CFAP299: variants seen among roughly 807,000 people sequenced by gnomAD.
CFAP299 encodes cilia- and flagella-associated protein 299.
CFAP299 carries 21 observed loss-of-function variants against 27.0 expected under a neutral mutation model. The ratio of observed to expected loss-of-function variants is 0.78; its 90% CI spans 0.55 to 1.12. CFAP299 has a LOEUF of 1.12. Among genes scored for constraint, CFAP299 ranks in the 50% most tolerant of loss-of-function variants. The probability of loss-of-function intolerance (pLI) is 0.00; values close to 1 mark genes in which losing one functional copy is unlikely to be tolerated. For missense variants in CFAP299, 310 were observed against 276.6 expected, an observed-to-expected ratio of 1.12 and a Z score of -0.86; for synonymous variants, 104 against 98.1, an observed-to-expected ratio of 1.06 and a Z score of -0.36.
chr4:80,945,240 C>T (rs945021974), intron 5 of CFAP299, among the ~76,000 whole-genome samples: 22 of 152,144 alleles, frequency 1.4e-4, no homozygotes, highest in African/African-American at 4.1e-4. Flanking sequence ...GTGCTTCCCC[C>T]GATCCTGCAG....
chr4:80,874,040 ATCC>A (rs1372472022), intron 4 of CFAP299, among the ~76,000 whole-genome samples: 1 of 152,218 alleles, frequency 6.6e-6, no homozygotes, highest in Non-Finnish European at 1.5e-5. Flanking sequence ...ATATGCACTT[ATCC>A]TGTGCTTAAG....
At chr4:80,436,886 C>A (rs1728115197) in intron 2 of CFAP299, among the ~76,000 whole-genome samples, 2 of 152,128 alleles carry the variant, frequency 1.3e-5, no homozygotes, top group African/African-American at 4.8e-5. Flanking sequence ...TCGTAACAGT[C>A]AGCTATTGCT....
At chr4:80,450,278 G>A (rs1016825650) in intron 2 of CFAP299, among the ~76,000 whole-genome samples, 4 of 152,206 alleles carry the variant, frequency 2.6e-5, no homozygotes, top group East Asian at 3.9e-4. Context: ...CTTTCAAAAA[G>A]TACTATTAAT....
At chr4:80,547,719 A>G (rs1734306931) in intron 2 of CFAP299, among the ~76,000 whole-genome samples, 1 of 152,194 alleles carries the variant, frequency 6.6e-6, no homozygotes, top group African/African-American at 2.4e-5. Context: ...GGCTAAGGAC[A>G]TGAACAGACA....
At chr4:80,689,213 G>A (rs1720467348) in intron 3 of CFAP299, among the ~76,000 whole-genome samples, 2 of 152,210 alleles carry the variant, frequency 1.3e-5, no homozygotes, top group East Asian at 3.9e-4. Context: ...TACTCCTCGA[G>A]AAGAGCAACT....
At chr4:80,377,470 G>A (rs1458186716) in intron 2 of CFAP299, among the ~76,000 whole-genome samples, 1 of 151,614 alleles carries the variant, frequency 6.6e-6, no homozygotes, top group Non-Finnish European at 1.5e-5. Flanking sequence ...TCTATTCCAC[G>A]GATTTATATG....
intron 3 of CFAP299, among the ~76,000 whole-genome samples, chr4:80,707,198 G>A (rs1025355763): frequency 5.3e-5 from 8 of 151,876 alleles, no homozygotes; most frequent in African/African-American, 7.2e-5. Context: ...AACAGGGGCT[G>A]GAATATTATG....
intron 3 of CFAP299, among the ~76,000 whole-genome samples, chr4:80,599,288 T>G (rs1195945003): frequency 6.6e-6 from 1 of 152,188 alleles, no homozygotes; most frequent in African/African-American, 2.4e-5. Context: ...TTCTGCATAA[T>G]TTGTTTATGA....
intron 2 of CFAP299, among the ~76,000 whole-genome samples, chr4:80,465,657 C>T (rs1156268628): frequency 1.3e-5 from 2 of 152,050 alleles, no homozygotes; most frequent in African/African-American, 2.4e-5. Context: ...GTACCCCATG[C>T]CCTGGAAGAG....
the CFAP299 span, among the ~76,000 whole-genome samples, chr4:80,321,691 A>G: frequency 4.6e-5 from 7 of 152,324 alleles, no homozygotes; most frequent in African/African-American, 1.7e-4. Context: ...CGTTTTCAAC[A>G]TATCTTAGAT....
At chr4:80,438,823 A>G (rs1728213824) in intron 2 of CFAP299, among the ~76,000 whole-genome samples, 1 of 152,222 alleles carries the variant, frequency 6.6e-6, no homozygotes, top group Non-Finnish European at 1.5e-5. Flanking sequence ...GTCATTCCAT[A>G]CAAGAAAGTG....
chr4:80,735,099 T>G, intron 3 of CFAP299, among the ~76,000 whole-genome samples: 1 of 152,154 alleles, frequency 6.6e-6, no homozygotes, highest in East Asian at 1.9e-4. Context: ...ATATCTTTCC[T>G]TTTTTGTGTG....
the CFAP299 span, among the ~76,000 whole-genome samples, chr4:80,329,461 T>G: frequency 6.6e-6 from 1 of 152,100 alleles, no homozygotes; most frequent in Admixed American, 6.6e-5. Context: ...GACTTTACCT[T>G]ACTGAGGTAA....
intron 3 of CFAP299, among the ~76,000 whole-genome samples, chr4:80,693,585 T>C (rs111861181): frequency 0.017 from 2,514 of 149,374 alleles, 49 homozygotes; most frequent in Admixed American, 0.056. Context: ...TTGGGAGATA[T>C]ACCTAATGCT....
intron 3 of CFAP299, among the ~76,000 whole-genome samples, chr4:80,824,352 C>T (rs1037330482): frequency 1.3e-5 from 2 of 152,150 alleles, no homozygotes; most frequent in Non-Finnish European, 2.9e-5. Context: ...GCAGTTTATA[C>T]ACGGTTTCAG....
intron 2 of CFAP299, among the ~76,000 whole-genome samples, chr4:80,390,946 T>TCAC (rs1725434524): frequency 3.9e-5 from 1 of 25,536 alleles, no homozygotes; most frequent in African/African-American, 8.1e-5. Context: ...TATATGTATG[T>TCAC]ACACACATGT....
At chr4:80,373,915 CTTCTGGG>C (rs1724276276) in intron 2 of CFAP299, among the ~76,000 whole-genome samples, 1 of 152,182 alleles carries the variant, frequency 6.6e-6, no homozygotes, top group Non-Finnish European at 1.5e-5. Context: ...GACTGGCTAT[CTTCTGGG>C]TTCTTCTATA....
intron 3 of CFAP299, among the ~76,000 whole-genome samples, chr4:80,754,227 A>T (rs1313181085): frequency 1.5e-4 from 23 of 151,962 alleles, no homozygotes; most frequent in Admixed American, 1.5e-3. Flanking sequence ...TTGTAGTATT[A>T]CCTTGTATTT....
chr4:80,931,722 A>ACG (rs1736626963), intron 4 of CFAP299, among the ~76,000 whole-genome samples: 1 of 148,650 alleles, frequency 6.7e-6, no homozygotes, highest in South Asian at 2.1e-4. Context: ...ACATGCACGC[A>ACG]CACACACACA....
Sources: allele counts gnomAD v4.1 joint callset (sites outside exome capture counted in the v4.1 genomes callset), GRCh38; gene constraint gnomAD v4.1.1; transcripts MANE v1.5; gene names NCBI Gene and HGNC (gene_info 2026-07-23, HGNC 2026-07-21).